Variants in CPQ observed in about 807,000 individuals in gnomAD.
CPQ encodes the protein carboxypeptidase Q.
Under a neutral mutation model 45.7 loss-of-function variants are expected in CPQ, and 37 were observed. The ratio of observed to expected loss-of-function variants is 0.81; its 90% CI spans 0.62 to 1.07. CPQ has a LOEUF of 1.07. CPQ is among the 50% of genes least tolerant of loss of function. The pLI is 0.00. For missense variants in CPQ, 537 were observed against 572.9 expected (o/e 0.94, Z 0.64); for synonymous variants, 186 against 205.8 (o/e 0.90, Z 0.82).
At chr8:96,863,417 G>A (rs537795085) in intron 3 of CPQ, among the ~76,000 whole-genome samples, 1 of 152,110 alleles carries the variant, frequency 6.6e-6, no homozygotes, top group East Asian at 1.9e-4. Context: ...TATAAAAAGA[G>A]TGCAAAAACC....
chr8:96,741,511 T>A (rs1159657215), intron 1 of CPQ, among the ~76,000 whole-genome samples: 1 of 152,230 alleles, frequency 6.6e-6, no homozygotes, highest in African/African-American at 2.4e-5. Context: ...TCTTGCCTTC[T>A]GCTAGCTTTT....
At chr8:97,018,768 G>A (rs530484335) in intron 5 of CPQ, among the ~76,000 whole-genome samples, 2 of 152,274 alleles carry the variant, frequency 1.3e-5, no homozygotes, top group Admixed American at 1.3e-4. Flanking sequence ...AATTGGCATT[G>A]CTGAGGAAGA....
At chr8:96,780,090 A>T (rs183272436) in intron 1 of CPQ, among the ~76,000 whole-genome samples, 4 of 152,196 alleles carry the variant, frequency 2.6e-5, no homozygotes, top group African/African-American at 4.8e-5. Context: ...TTCTTAAATA[A>T]AAATGTATTG....
At chr8:96,978,124 C>T (rs573539107) in intron 5 of CPQ, among the ~76,000 whole-genome samples, 7 of 152,146 alleles carry the variant, frequency 4.6e-5, no homozygotes, top group African/African-American at 1.4e-4. Context: ...TTTCCTCTAG[C>T]GGCAACTTAT....
intron 1 of CPQ, among the ~76,000 whole-genome samples, chr8:96,663,083 G>A (rs1295584625): frequency 6.6e-6 from 1 of 152,166 alleles, no homozygotes; most frequent in South Asian, 2.1e-4. Context: ...ACCAGGACAG[G>A]CAATAACAGA....
At chr8:96,714,660 T>C (rs1277271894) in intron 1 of CPQ, among the ~76,000 whole-genome samples, 1 of 152,164 alleles carries the variant, frequency 6.6e-6, no homozygotes, top group African/African-American at 2.4e-5. Flanking sequence ...ACTTCTTGGT[T>C]TGGATTCATT....
chr8:96,713,515 A>AT (rs1222887171), intron 1 of CPQ, among the ~76,000 whole-genome samples: 2 of 152,174 alleles, frequency 1.3e-5, no homozygotes, highest in Non-Finnish European at 2.9e-5. Context: ...CCTTCTTCAC[A>AT]TGGTGCCAGC....
In CPQ at chr8:97,066,028, G is replaced by T. The variant is rs764085275; in HGVS notation, c.1073G>T (p.Ser358Ile). 34 of 1,610,862 alleles carry T rather than the reference G, an allele frequency of 2.1e-5. No homozygotes were observed. The highest frequency in any genetic ancestry group is 2.5e-6 in the Non-Finnish European group (3 of 1,179,326). The change falls in exon 7 of 8, where the codon AGT becomes ATT. Residue 358 changes from serine (S) to isoleucine (I), a missense_variant. Transcript: ENST00000220763. ...QLHKVNISNY[S>I]LVMESDAGTF... ...GTTTAGGTAAATATTTCCAACTACAGTCTGGTGATGGAGTCTGACGCAGGA... is the reference window on the plus strand; with the variant it reads ...GTTTAGGTAAATATTTCCAACTACATTCTGGTGATGGAGTCTGACGCAGGA...
chr8:96,833,320 A>AC lies in CPQ; in HGVS notation c.434-1653_434-1652insC, dbSNP rs1229244459. Among the ~76,000 whole-genome samples, 121 of 152,224 alleles carry AC rather than the reference A, an allele frequency of 7.9e-4. 1 individual carries two copies. The highest frequency in any genetic ancestry group is 1.9e-3 in the East Asian group (10 of 5,164). ...TAAAAACAAAACAAAACAAAACAAA[A>AC]AAAAACTTGAATGGAAGCATAGACC... On this transcript the variant is annotated intron_variant, in intron 2 of 7. Transcript: ENST00000220763.
At chr8:97,110,882 C>T (rs1383402496) in intron 7 of CPQ, among the ~76,000 whole-genome samples, 2 of 152,130 alleles carry the variant, frequency 1.3e-5, no homozygotes, top group African/African-American at 4.8e-5. Flanking sequence ...CAATATGATC[C>T]GACTCACCCA....
chr8:97,140,000 G>A (rs1812131737), intron 7 of CPQ, among the ~76,000 whole-genome samples: 1 of 141,992 alleles, frequency 7.0e-6, no homozygotes, highest in African/African-American at 2.7e-5. Flanking sequence ...CTGACAAACT[G>A]CAAGCAAGAT....
chr8:96,687,176 TTCTC>T (rs201029284), intron 1 of CPQ, among the ~76,000 whole-genome samples: 3,611 of 134,602 alleles, frequency 0.027, 159 homozygotes, highest in African/African-American at 0.088. Flanking sequence ...TTTCTTTTCT[TTCTC>T]TTCTCTTCTC....
intron 6 of CPQ, among the ~76,000 whole-genome samples, chr8:97,043,397 G>T (rs974201407): frequency 1.3e-5 from 2 of 151,870 alleles, no homozygotes; most frequent in Admixed American, 6.6e-5. Flanking sequence ...CGTGAGATGG[G>T]TTTCCTGAAT....
chr8:97,119,602 A>T (rs758140029), intron 7 of CPQ, among the ~76,000 whole-genome samples: 4 of 152,126 alleles, frequency 2.6e-5, no homozygotes, highest in Admixed American at 2.6e-4. Context: ...CTGTTAGATG[A>T]CTCAGAAATG....
At chr8:96,988,323 T>TA (rs1364130754) in intron 5 of CPQ, among the ~76,000 whole-genome samples, 1 of 152,224 alleles carries the variant, frequency 6.6e-6, no homozygotes, top group African/African-American at 2.4e-5. Context: ...GCCTTATTTC[T>TA]AAAAAATGTA....
At chr8:97,041,264 C>G (rs1205360484) in intron 6 of CPQ, among the ~76,000 whole-genome samples, 2 of 152,046 alleles carry the variant, frequency 1.3e-5, no homozygotes, top group Admixed American at 1.3e-4. Context: ...TGGGAGTTCA[C>G]TCATGATTTG....
chr8:97,035,739 G>A (rs1307720890), intron 6 of CPQ, among the ~76,000 whole-genome samples: 1 of 151,934 alleles, frequency 6.6e-6, no homozygotes, highest in African/African-American at 2.4e-5. Flanking sequence ...ACAGAGTCTC[G>A]CTCTGTCGCC....
intron 1 of CPQ, among the ~76,000 whole-genome samples, chr8:96,673,583 G>C (rs1343521843): frequency 6.6e-6 from 1 of 152,116 alleles, no homozygotes; most frequent in Non-Finnish European, 1.5e-5. Flanking sequence ...TGGAAAGTTG[G>C]GGTTTTCCTT....
At chr8:96,786,057 G>T (rs1216394214) in intron 2 of CPQ, among the ~76,000 whole-genome samples, 2 of 152,130 alleles carry the variant, frequency 1.3e-5, no homozygotes, top group Non-Finnish European at 2.9e-5. Context: ...TGATGTTCAT[G>T]CATTTAGAAT....
Sources: gnomAD v4.1 joint callset for allele counts (sites outside exome capture counted in the v4.1 genomes callset) on GRCh38, gnomAD v4.1.1 for gene constraint, MANE v1.5 for transcripts, NCBI Gene and HGNC (gene_info 2026-07-23, HGNC 2026-07-21) for gene names.